SELENOM: variants seen among roughly 807,000 people sequenced by gnomAD.
SELENOM encodes selenoprotein SelM.
SELENOM carries 17 observed loss-of-function variants against 14.5 expected under a neutral mutation model. That is an observed-to-expected ratio of 1.17 (90% CI 0.80 to 1.76). SELENOM has a LOEUF of 1.76. SELENOM is among the 40% of genes most tolerant of loss of function. The pLI is 0.00. For missense variants in SELENOM, 230 were observed against 204.6 expected, an observed-to-expected ratio of 1.12 and a Z score of -0.76; for synonymous variants, 102 against 93.3, an observed-to-expected ratio of 1.09 and a Z score of -0.54.
chr22:31,105,267 G>A lies in SELENOM; in HGVS notation c.220C>T (p.His74Tyr), dbSNP rs544789268. 1 of 1,612,196 alleles carries A rather than the reference G, an allele frequency of 6.2e-7. No individual in the cohort carries two copies. Among genetic ancestry groups the A allele is most frequent in the African/African-American group, 1.3e-5 (1 of 74,914 alleles). Residue 74 changes from histidine to tyrosine, a missense_variant, in exon 4 of 5, where the codon CAC becomes TAC. By Grantham distance (83) the His-to-Tyr change is moderately conservative (BLOSUM62 2). Transcript: ENST00000400299. ...IPFYHNLVMKHLPGADPELVL... is the reference protein window; with the variant it reads ...IPFYHNLVMKYLPGADPELVL... The stretch of plus-strand genomic sequence containing the variant: ...AGCTCAGGGTCGGCCCCAGGGAGGT[G>A]TTTCATCACCAGGTTGTGACTGGAG...
Position 31,104,898 on chromosome 22 carries a change from C to T in SELENOM, c.*72G>A. On this transcript the variant is annotated 3_prime_UTR_variant, in exon 5 of 5. Coordinates refer to ENST00000400299, the MANE Select transcript of SELENOM (RefSeq NM_080430.4). ...CGGCTCTCAGCAAGAGAAGTATTCC[C>T]GGGATGCTGAGCGCTTCATTCTGTC... The T allele has an allele frequency of 3.5e-6, 5 of 1,438,452 alleles. No homozygotes were observed. Among genetic ancestry groups the T allele is most frequent in the Non-Finnish European group, 3.7e-6 (4 of 1,084,078 alleles). 89.1% of individuals were successfully genotyped at this position (1,438,452 alleles called of 1,614,324 possible).
rs545423730 is a variant in SELENOM at position 31,105,310 on chromosome 22, G to A, written c.201-24C>T. The A allele has an allele frequency of 1.6e-5, 26 of 1,597,122 alleles. 1 individual carries two copies. The South Asian group carries it at 2.9e-4, about 18-fold the overall frequency. On this transcript the variant is annotated intron_variant, in intron 3 of 4. Transcript: ENST00000400299. ...GACTGGAGGTGGTGTTAAGGAGCGGGGTGGTGGGCAGAGGGAGGTGGTGGT... is the reference window on the plus strand; with the variant it reads ...GACTGGAGGTGGTGTTAAGGAGCGGAGTGGTGGGCAGAGGGAGGTGGTGGT...
In SELENOM at chr22:31,105,052, G is replaced by A. The variant is rs1205424518; in HGVS notation, c.356C>T (p.Ala119Val). Reference sequence around the variant, plus strand: ...CTCGGGGGGCACCTGCGCGTCGGGCGCCGCCTTGCGGTAGAAGCCGAGCTC... The same window carrying A: ...CTCGGGGGGCACCTGCGCGTCGGGCACCGCCTTGCGGTAGAAGCCGAGCTC... The part of the protein sequence containing the change: ...VQELGFYRKA[A>V]PDAQVPPEYV... Residue 119 changes from alanine to valine, a missense_variant, in exon 5 of 5, where the codon GCG becomes GTG. Ala to Val is a moderately conservative substitution (Grantham distance 64). Coordinates refer to ENST00000400299, the MANE Select transcript of SELENOM (RefSeq NM_080430.4). The A allele has an allele frequency of 4.3e-6, 7 of 1,611,822 alleles. No individual in the cohort carries two copies. Among genetic ancestry groups the A allele is most frequent in the Non-Finnish European group, 5.9e-6 (7 of 1,179,564 alleles).
chr22:31,104,901 G>T lies in SELENOM; in HGVS notation c.*69C>A. On this transcript the variant is annotated 3_prime_UTR_variant, in exon 5 of 5. Coordinates refer to ENST00000400299, the MANE Select transcript of SELENOM (RefSeq NM_080430.4). ...CTCTCAGCAAGAGAAGTATTCCCGG[G>T]ATGCTGAGCGCTTCATTCTGTCTCC... 6 of 1,443,314 alleles carry T rather than the reference G, an allele frequency of 4.2e-6. No individual in the cohort carries two copies. The highest frequency in any genetic ancestry group is 5.5e-6 in the Non-Finnish European group (6 of 1,086,606). 89.4% of individuals were successfully genotyped at this position (1,443,314 alleles called of 1,614,324 possible).
At chr22:31,107,045 T>G in intron 1 of SELENOM, 10 of 215,636 alleles carry the variant, frequency 4.6e-5, no homozygotes, top group East Asian at 1.9e-4. Context: ...CATGAAGTGA[T>G]GGGGGATGGG....
At chr22:31,105,182 C>T in intron 4 of SELENOM, 26 bp downstream of exon 4, 2 of 1,613,150 alleles carry the variant, frequency 1.2e-6, no homozygotes, top group Non-Finnish European at 1.7e-6. Flanking sequence ...CTGGCCTCGC[C>T]CCCAGCCCAC....
chr22:31,105,568 T>C, intron 3 of SELENOM, 90 bp downstream of exon 3: 2 of 1,353,048 alleles, frequency 1.5e-6, no homozygotes, highest in Non-Finnish European at 2.1e-6. Context: ...AACTTGTCAG[T>C]TGAAAACCAT....
chr22:31,105,636 C>G, intron 3 of SELENOM, 22 bp downstream of exon 3: 2 of 1,613,236 alleles, frequency 1.2e-6, no homozygotes, highest in Non-Finnish European at 1.7e-6. Flanking sequence ...CCCATTTCCC[C>G]TCCCCCAGAA....
At position 31,105,070 on chromosome 22, in the gene SELENOM, C is replaced by G; in HGVS notation, c.338G>C (p.Gly113Ala). ...EEINALVQEL[G>A]FYRKAAPDAQ... ...GTCGGGCGCCGCCTTGCGGTAGAAG[C>G]CGAGCTCCTGCACTAGCGCATTGAT... The change falls in exon 5 of 5, where the codon GGC becomes GCC. Residue 113 changes from glycine to alanine, a missense_variant. Gly to Ala is a moderately conservative substitution (Grantham distance 60). Coordinates refer to ENST00000400299, the MANE Select transcript of SELENOM (RefSeq NM_080430.4). 6.2e-7 allele frequency: 1 copy of G among 1,612,794 alleles called. No homozygotes were observed. The highest frequency in any genetic ancestry group is 8.5e-7 in the Non-Finnish European group (1 of 1,179,782).
rs1019595863 is a variant in SELENOM, at chr22:31,107,496, G to A, written c.10C>T (p.Leu4=). 36 of 1,551,900 alleles carry A rather than the reference G, an allele frequency of 2.3e-5. No individual in the cohort carries two copies. The highest frequency in any genetic ancestry group is 3.0e-5 in the Non-Finnish European group (35 of 1,150,950). Reference sequence around the variant, plus strand: ...AGCAGCAGCGCCAGCGGAGGCAACAGGAGGCTCATCGGGACCCGGCCGCAG... The same window carrying A: ...AGCAGCAGCGCCAGCGGAGGCAACAAGAGGCTCATCGGGACCCGGCCGCAG... MSL[L]LPPLALLLLL... Residue 4 remains leucine (L), a synonymous_variant, in exon 1 of 5, where the codon CTG becomes TTG. Coordinates refer to ENST00000400299, the MANE Select transcript of SELENOM (RefSeq NM_080430.4).
At chr22:31,105,475 G>A (rs1293206937) in intron 3 of SELENOM, 183 bp downstream of exon 3, 2 of 813,540 alleles carry the variant, frequency 2.5e-6, no homozygotes, top group Non-Finnish European at 4.0e-6. Flanking sequence ...CCATTCTGTG[G>A]CAGTCATCAC....
Position 31,107,465 on chromosome 22 carries a change from A to G in SELENOM, c.41T>C (p.Leu14Pro). 2 of 1,560,948 alleles carry G rather than the reference A, an allele frequency of 1.3e-6. No individual in the cohort carries two copies. Among genetic ancestry groups the G allele is most frequent in the Non-Finnish European group, 1.7e-6 (2 of 1,155,422 alleles). Residue 14 changes from leucine to proline, a missense_variant, in exon 1 of 5, where the codon CTC (leucine) becomes CCC (proline). Transcript: ENST00000400299. Reference protein sequence around the residue: ...LLPPLALLLLLAALVAPATAA... With the variant: ...LLPPLALLLLPAALVAPATAA... ...TGTGGCTGGGGCCACAAGCGCCGCG[A>G]GAAGCAGCAGCAGCGCCAGCGGAGG...
At position 31,107,517 on chromosome 22, in the gene SELENOM, C is replaced by A. The variant is rs1271079707; in HGVS notation, c.-12G>T. On this transcript the variant is annotated 5_prime_UTR_variant, in exon 1 of 5. Transcript: ENST00000400299. Reference sequence around the variant, plus strand: ...AACAGGAGGCTCATCGGGACCCGGCCGCAGATGATGCGCAAGCTGGAGGCG... The same window carrying A: ...AACAGGAGGCTCATCGGGACCCGGCAGCAGATGATGCGCAAGCTGGAGGCG... 2 of 1,532,802 alleles carry A rather than the reference C, an allele frequency of 1.3e-6. No homozygotes were observed. The highest frequency in any genetic ancestry group is 1.8e-6 in the Non-Finnish European group (2 of 1,140,982). The allele number at this position is 1,532,802 out of a possible 1,614,324, so 95.0% of individuals were successfully genotyped here. A position where few individuals can be genotyped will look rare whatever the true frequency, so the allele number is the denominator to read the frequency against.
At chr22:31,105,419 T>G in intron 3 of SELENOM, 133 bp from the exon 4 acceptor site, 1 of 940,264 alleles carries the variant, frequency 1.1e-6, no homozygotes, top group Non-Finnish European at 1.6e-6. Context: ...GGTCTCCGCT[T>G]ATACGTGAGA....
rs1294235464 is a variant in SELENOM, at chr22:31,105,047, C to A, written c.361G>T (p.Asp121Tyr). 2 of 1,611,766 alleles carry A rather than the reference C, an allele frequency of 1.2e-6. No individual in the cohort carries two copies. The highest frequency in any genetic ancestry group is 1.1e-5 in the South Asian group (1 of 91,042). The stretch of plus-strand genomic sequence containing the variant: ...ACGTACTCGGGGGGCACCTGCGCGT[C>A]GGGCGCCGCCTTGCGGTAGAAGCCG... ...ELGFYRKAAP[D>Y]AQVPPEYVWA... is the part of the protein sequence containing the mutation. The change falls in exon 5 of 5, where the codon GAC becomes TAC. Residue 121 changes from aspartate (D) to tyrosine (Y), a missense_variant. Coordinates refer to ENST00000400299, the MANE Select transcript of SELENOM (RefSeq NM_080430.4).
chr22:31,107,458 C>T lies in SELENOM; in HGVS notation c.48G>A (p.Ala16=), dbSNP rs1390432362. ...PPLALLLLLA[A]LVAPATAATA... ...TGGCGGCTGTGGCTGGGGCCACAAG[C>T]GCCGCGAGAAGCAGCAGCAGCGCCA... The change falls in exon 1 of 5, where the codon GCG becomes GCA. Residue 16 remains alanine, a synonymous_variant. Transcript: ENST00000400299. 6.4e-7 allele frequency: 1 copy of T among 1,562,672 alleles called. No homozygotes were observed. Among genetic ancestry groups the T allele is most frequent in the Non-Finnish European group, 8.6e-7 (1 of 1,156,256 alleles).
chr22:31,106,306 C>T (rs1237232056), intron 1 of SELENOM: 2 of 368,058 alleles, frequency 5.4e-6, no homozygotes, highest in Non-Finnish European at 1.0e-5. Flanking sequence ...CAGTAGAGAC[C>T]TGGGCTTGGC....
At chr22:31,105,408 G>C in intron 3 of SELENOM, 122 bp from the exon 4 acceptor site, 1 of 1,037,002 alleles carries the variant, frequency 9.6e-7, no homozygotes, top group South Asian at 1.5e-5. Context: ...GGAGGGGCCA[G>C]GGTCTCCGCT....
chr22:31,105,185 C>G (rs1602700973), intron 4 of SELENOM, 23 bp downstream of exon 4: 5 of 1,613,182 alleles, frequency 3.1e-6, no homozygotes, highest in South Asian at 1.1e-5. Context: ...GCCTCGCCCC[C>G]AGCCCACCTC....
Sources: gnomAD v4.1 joint callset for allele counts on GRCh38, gnomAD v4.1.1 for gene constraint, MANE v1.5 for transcripts, NCBI Gene and HGNC (gene_info 2026-07-23, HGNC 2026-07-21) for gene names.